Variants in RGSL1 observed in about 807,000 individuals in gnomAD.
The protein encoded by RGSL1 is regulator of G protein signaling like 1, also known as regulator of G protein signaling protein-like.
Under a neutral mutation model 124.7 loss-of-function variants are expected in RGSL1, and 97 were observed. The ratio of observed to expected loss-of-function variants is 0.78; its 90% confidence interval spans 0.66 to 0.92. RGSL1 has a LOEUF of 0.92. Ranked by LOEUF, RGSL1 falls within the 40% of genes least tolerant of loss-of-function variation. RGSL1 has a pLI of 0.00. For synonymous variants in RGSL1, 424 were observed against 438.1 expected, an observed-to-expected ratio of 0.97 and a Z score of 0.40; for missense variants, 1,233 against 1,288.4, an observed-to-expected ratio of 0.96 and a Z score of 0.66.
intron 15 of RGSL1, among the ~76,000 whole-genome samples, chr1:182,543,395 A>G (rs1660013681): frequency 6.6e-6 from 1 of 152,132 alleles, no homozygotes; most frequent in South Asian, 2.1e-4. Flanking sequence ...TCCTGGGATG[A>G]ATCCCATTAG....
chr1:182,454,005 T>C lies in RGSL1; in HGVS notation c.61T>C (p.Phe21Leu). ...TATAATTCTGCTAGAGGATGAAGTC[T>C]TTGCCGATTTTTTCAACACATTTCT... The part of the protein sequence containing the change: ...NLIILLEDEV[F>L]ADFFNTFLSL... Residue 21 changes from phenylalanine to leucine, a missense_variant, in exon 2 of 22, where the codon TTT becomes CTT. By Grantham distance (22) the Phe-to-Leu change is conservative. Transcript: ENST00000294854. The C allele has an allele frequency of 6.5e-7, 1 of 1,536,766 alleles. No individual in the cohort carries two copies.
At chr1:182,487,002 G>T (rs115091826) in intron 6 of RGSL1, among the ~76,000 whole-genome samples, 3,053 of 152,184 alleles carry the variant, frequency 0.02, 99 homozygotes, top group African/African-American at 0.07. Flanking sequence ...AACCAAAAGG[G>T]ATGTTAATAG....
chr1:182,509,534 G>T (rs867103347), intron 9 of RGSL1, among the ~76,000 whole-genome samples: 7 of 104,796 alleles, frequency 6.7e-5, no homozygotes, highest in South Asian at 3.2e-4. Flanking sequence ...CTGGCCGGGT[G>T]GGGGGGCTGA....
chr1:182,541,527 A>G lies in RGSL1; in HGVS notation c.2669+1106A>G, dbSNP rs114610062. On this transcript the variant is annotated intron_variant, in intron 15 of 21. Coordinates refer to ENST00000294854, the MANE Select transcript of RGSL1 (RefSeq NM_001137669.2). ...TATTCCAGCTATTGTGAATAGTGCTACAATAAACATGGGAGTGCAAATATC... is the reference window on the plus strand; with the variant it reads ...TATTCCAGCTATTGTGAATAGTGCTGCAATAAACATGGGAGTGCAAATATC... Among the ~76,000 whole-genome samples the G allele has an allele frequency of 7.9e-3, 1,207 of 152,274 alleles. 21 individuals carry two copies. Among genetic ancestry groups the G allele is most frequent in the African/African-American group, 0.028 (1,154 of 41,564 alleles).
intron 13 of RGSL1, among the ~76,000 whole-genome samples, chr1:182,531,856 AC>A (rs1659196150): frequency 6.6e-6 from 1 of 152,198 alleles, no homozygotes; most frequent in African/African-American, 2.4e-5. Flanking sequence ...TCTCACTGCA[AC>A]CCTGAAGGCT....
intron 4 of RGSL1, among the ~76,000 whole-genome samples, chr1:182,461,855 T>C (rs1005070895): frequency 2.0e-5 from 3 of 152,142 alleles, no homozygotes; most frequent in African/African-American, 7.2e-5. Context: ...AGACCCTTGA[T>C]GGGACTTGTG....
Position 182,522,072 on chromosome 1 carries a change from A to G in RGSL1, c.1894A>G (p.Lys632Glu). The G allele has an allele frequency of 6.5e-7, 1 of 1,550,270 alleles. No individual in the cohort carries two copies. Among genetic ancestry groups the G allele is most frequent in the South Asian group, 1.2e-5 (1 of 83,650 alleles). The change falls in exon 10 of 22, where the codon AAA (lysine) becomes GAA (glutamate). Residue 632 changes from lysine to glutamate, a missense_variant. Coordinates refer to ENST00000294854, the MANE Select transcript of RGSL1 (RefSeq NM_001137669.2). The part of the protein sequence containing the change: ...SRSNRKMSLL[K>E]RTLVRKPSMR... The stretch of plus-strand genomic sequence containing the variant: ...CTCAAATAGGAAAATGTCCTTGCTC[A>G]AAAGAACTCTTGTAAGGAAGCCATC...
intron 11 of RGSL1, 46 bp from the exon 12 acceptor site, chr1:182,530,198 A>T (rs770400067): frequency 7.1e-7 from 1 of 1,408,198 alleles, no homozygotes; most frequent in African/African-American, 1.5e-5. Flanking sequence ...TATCTCAGAA[A>T]TGGTAGATGA....
chr1:182,464,984 G>A (rs1439771679), intron 4 of RGSL1, among the ~76,000 whole-genome samples: 7 of 151,192 alleles, frequency 4.6e-5, no homozygotes, highest in Admixed American at 1.3e-4. Context: ...GCTGAGGAAC[G>A]AGGATTGCTT....
chr1:182,551,806 T>C (rs1271608238), intron 18 of RGSL1, among the ~76,000 whole-genome samples: 1 of 152,190 alleles, frequency 6.6e-6, no homozygotes, highest in Non-Finnish European at 1.5e-5. Context: ...ATAAACCATA[T>C]ATACAATGGT....
chr1:182,456,223 G>A (rs1441071058), intron 2 of RGSL1, among the ~76,000 whole-genome samples: 1 of 152,140 alleles, frequency 6.6e-6, no homozygotes, highest in Admixed American at 6.6e-5. Flanking sequence ...AGGCCTCTCG[G>A]GGAGTGGGTC....
Position 182,525,935 on chromosome 1 carries a change from A to G in RGSL1, c.1932-1644A>G, listed in dbSNP as rs191460723. The stretch of plus-strand genomic sequence containing the variant: ...TATAATCACTGCCCTGCAAAAATTA[A>G]TAAGACTGTAAGGAAATGCAAGAAA... On this transcript the variant is annotated intron_variant, in intron 10 of 21. Transcript: ENST00000294854. Among the ~76,000 whole-genome samples the G allele has an allele frequency of 4.6e-3, 703 of 152,300 alleles. 9 individuals are homozygous for G. The highest frequency in any genetic ancestry group is 0.016 in the African/African-American group (681 of 41,570).
intron 9 of RGSL1, among the ~76,000 whole-genome samples, chr1:182,499,489 G>A (rs1656189808): frequency 6.6e-6 from 1 of 152,096 alleles, no homozygotes; most frequent in African/African-American, 2.4e-5. Context: ...AATTAGAATA[G>A]CAACCTCTGC....
At chr1:182,533,040 C>T (rs1472671516) in intron 14 of RGSL1, among the ~76,000 whole-genome samples, 1 of 152,076 alleles carries the variant, frequency 6.6e-6, no homozygotes, top group East Asian at 1.9e-4. Flanking sequence ...TCACATTTTA[C>T]AAAATAATTT....
At position 182,458,182 on chromosome 1, in the gene RGSL1, G is replaced by A. The variant is rs1481518881; in HGVS notation, c.97-137G>A. 16 of 629,498 alleles carry A rather than the reference G, an allele frequency of 2.5e-5. No homozygotes were observed. In the East Asian group the frequency reaches 4.4e-4, roughly 17 times the overall value. 39.0% of individuals were successfully genotyped at this position (629,498 alleles called of 1,614,324 possible). On this transcript the variant is annotated intron_variant, in intron 2 of 21. Transcript: ENST00000294854. Reference sequence around the variant, plus strand: ...GTGTGCAGGGCAAGTTGATGGAGTAGAATAAATTTAAGAATTAGTGTCCCT... The same window carrying A: ...GTGTGCAGGGCAAGTTGATGGAGTAAAATAAATTTAAGAATTAGTGTCCCT...
At chr1:182,497,249 A>G (rs988123955) in intron 9 of RGSL1, among the ~76,000 whole-genome samples, 3 of 150,310 alleles carry the variant, frequency 2.0e-5, no homozygotes, top group African/African-American at 7.3e-5. Context: ...ATAGATAGAT[A>G]GATAATAGAC....
Position 182,530,883 on chromosome 1 carries a change from A to G in RGSL1, c.2337A>G (p.Ile779Met), listed in dbSNP as rs1454006417. Residue 779 changes from isoleucine to methionine, a missense_variant, in exon 13 of 22, where the codon ATA becomes ATG. Coordinates refer to ENST00000294854, the MANE Select transcript of RGSL1 (RefSeq NM_001137669.2). ...VQISSRKPSK[I>M]VSTYLQESQK... ...TTTCGTCTAGGAAGCCCTCAAAGAT[A>G]GTGTCAACTTACCTACAGGAATCCC... The G allele has an allele frequency of 1.3e-6, 2 of 1,549,756 alleles. No individual in the cohort carries two copies. Among genetic ancestry groups the G allele is most frequent in the East Asian group, 4.9e-5 (2 of 40,836 alleles).
intron 9 of RGSL1, among the ~76,000 whole-genome samples, chr1:182,499,907 A>G (rs971331820): frequency 1.3e-5 from 2 of 152,124 alleles, no homozygotes; most frequent in Non-Finnish European, 2.9e-5. Flanking sequence ...GAAAAGTTAG[A>G]TACTAGATTT....
chr1:182,501,307 C>CTTT (rs141279993), intron 9 of RGSL1, among the ~76,000 whole-genome samples: 4 of 61,334 alleles, frequency 6.5e-5, no homozygotes, highest in African/African-American at 2.0e-4. Flanking sequence ...TTTTTCTTTT[C>CTTT]TTTTTTTTTT....
Sources: gnomAD v4.1 joint callset for allele counts (sites outside exome capture counted in the v4.1 genomes callset) on GRCh38, gnomAD v4.1.1 for gene constraint, MANE v1.5 for transcripts, NCBI Gene and HGNC (gene_info 2026-07-23, HGNC 2026-07-21) for gene names.